The following SETD1A variants were observed in gnomAD, a reference collection of about 807,000 sequenced individuals.
SETD1A encodes SET domain containing 1A, histone lysine methyltransferase, also known as histone-lysine N-methyltransferase SETD1A.
Under a neutral mutation model 149.9 loss-of-function variants are expected in SETD1A, and 29 were observed. The ratio of observed to expected loss-of-function variants is 0.19; its 90% CI spans 0.14 to 0.26. SETD1A has a LOEUF of 0.26. Among genes scored for constraint, SETD1A ranks in the 10% least tolerant of loss-of-function variants. SETD1A has a pLI of 1.00. For synonymous variants in SETD1A, 1,141 were observed against 968.5 expected (o/e 1.18, Z -3.31); for missense variants, 2,109 against 2,353.1 (o/e 0.90, Z 2.15).
intron 1 of SETD1A, 200 bp downstream of exon 1, chr16:30,958,164 T>TG (rs201675920): frequency 0.23 from 33,118 of 143,152 alleles, 4,196 homozygotes; most frequent in South Asian, 0.6. Flanking sequence ...GGAGACCTGC[T>TG]GGGGGGGGTG....
At position 30,980,376 on chromosome 16, in the gene SETD1A, C is replaced by T. The variant is rs1380317340; in HGVS notation, c.4409-109C>T. 7.5e-6 allele frequency: 11 copies of T among 1,461,104 alleles called. No individual in the cohort carries two copies. The East Asian group carries it at 9.1e-5, about 12-fold the overall frequency. The allele number at this position is 1,461,104 out of a possible 1,614,324, so 90.5% of individuals were successfully genotyped here. ...GCAGGAACGATGGGGCTGGGGCTTC[C>T]TCCCCTGTCCCTCACCTGGGTATGC... On this transcript the variant is annotated intron_variant, in intron 14 of 18. Transcript: ENST00000262519. This position sits in a 1 kb window ranked among gnomAD's most constrained non-coding sequence, Gnocchi z 7.7.
At chr16:30,958,691 C>T in intron 1 of SETD1A, 26 bp from the exon 2 acceptor site, 1 of 1,607,934 alleles carries the variant, frequency 6.2e-7, no homozygotes, top group Non-Finnish European at 8.5e-7. Context: ...CCTGATCCTT[C>T]TTGCGTGTCC....
At chr16:30,967,284 GCTGGGGTT>G (rs1347798802) in intron 9 of SETD1A, among the ~76,000 whole-genome samples, 2 of 152,162 alleles carry the variant, frequency 1.3e-5, no homozygotes, top group Non-Finnish European at 2.9e-5. Flanking sequence ...CTCCCGAGTA[GCTGGGGTT>G]ACAGGCACCC....
At chr16:30,965,555 C>A in intron 7 of SETD1A, 46 bp from the exon 8 acceptor site, 1 of 1,599,364 alleles carries the variant, frequency 6.3e-7, no homozygotes, top group Non-Finnish European at 8.5e-7. Flanking sequence ...GAAAGTAGGG[C>A]TTGGGTCAGG....
intron 10 of SETD1A, 39 bp from the exon 11 acceptor site, chr16:30,969,266 T>A: frequency 1.3e-6 from 2 of 1,594,832 alleles, no homozygotes; most frequent in South Asian, 2.2e-5. Flanking sequence ...ATCTTGTGGT[T>A]GATGGTAAAT....
At chr16:30,960,969 C>G (rs920659136) in intron 3 of SETD1A, among the ~76,000 whole-genome samples, 15 of 151,902 alleles carry the variant, frequency 9.9e-5, no homozygotes, top group Non-Finnish European at 1.3e-4. Context: ...TCTTGAACTC[C>G]TGACTTCTGG....
At chr16:30,978,974 CA>C (rs1172899755) in intron 13 of SETD1A, among the ~76,000 whole-genome samples, 170 bp from the exon 14 acceptor site, 3 of 152,214 alleles carry the variant, frequency 2.0e-5, no homozygotes, top group African/African-American at 7.2e-5. Context: ...CCCCTCTCAT[CA>C]AGGGAGTTCA....
At chr16:30,959,338 G>C (rs948122974) in intron 3 of SETD1A, 152 bp downstream of exon 3, 1 of 658,630 alleles carries the variant, frequency 1.5e-6, no homozygotes, top group African/African-American at 1.8e-5. Flanking sequence ...TTTTGGATAG[G>C]AGGTACACTT....
At chr16:30,982,968 G>T (rs1193524932) in intron 17 of SETD1A, among the ~76,000 whole-genome samples, 1 of 152,182 alleles carries the variant, frequency 6.6e-6, no homozygotes, top group Non-Finnish European at 1.5e-5. Flanking sequence ...GGACATGTGG[G>T]GTTGCAATGC....
intron 17 of SETD1A, among the ~76,000 whole-genome samples, chr16:30,982,864 G>T (rs2056398819): frequency 6.6e-6 from 1 of 152,170 alleles, no homozygotes; most frequent in African/African-American, 2.4e-5. Flanking sequence ...CCCTCTCTCG[G>T]TGCTGCTCTT....
chr16:30,973,274 G>C (rs1165635441), intron 13 of SETD1A, among the ~76,000 whole-genome samples: 1 of 152,178 alleles, frequency 6.6e-6, no homozygotes, highest in African/African-American at 2.4e-5. Flanking sequence ...AGAAAGCTTG[G>C]AAAGGGGCCA....
rs377390835 is a variant in SETD1A at position 30,961,231 on chromosome 16, G to A, written c.247-36G>A. 2.5e-5 allele frequency: 40 copies of A among 1,610,296 alleles called. No homozygotes were observed. In the African/African-American group the frequency reaches 4.9e-4, roughly 20 times the overall value. ...GAAGGACAAAGGAACAGTGGTCAGT[G>A]TTGAGACCCCATACCAACTCCTGTT... is the stretch of plus-strand genomic sequence containing the variant. On this transcript the variant is annotated intron_variant, in intron 3 of 18. Transcript: ENST00000262519. This position sits in a 1 kb window ranked among gnomAD's most constrained non-coding sequence, Gnocchi z 4.0.
rs147752310 is a variant in SETD1A, at chr16:30,966,988, G to A, written c.2610G>A (p.Gly870=). Reference sequence around the variant, plus strand: ...CCCTCGTGGACTGGGCCAAGAGCGGGGGCACTACGGGCATCGAGGCTTTCG... The same window carrying A: ...CCCTCGTGGACTGGGCCAAGAGCGGAGGCACTACGGGCATCGAGGCTTTCG... ...LLSLVDWAKS[G]GTTGIEAFAF... is the part of the protein sequence containing the mutation. The change falls in exon 9 of 19, where the codon GGG becomes GGA. Residue 870 remains glycine, a synonymous_variant. Transcript: ENST00000262519. 3 of 1,595,776 alleles carry A rather than the reference G, an allele frequency of 1.9e-6. No homozygotes were observed. Among genetic ancestry groups the A allele is most frequent in the African/African-American group, 1.3e-5 (1 of 74,910 alleles).
Position 30,959,103 on chromosome 16 carries a change from A to G in SETD1A, c.163A>G (p.Ile55Val), listed in dbSNP as rs749107885. 8.7e-6 allele frequency: 14 copies of G among 1,612,178 alleles called. No individual in the cohort carries two copies. The African/African-American group carries it at 1.1e-4, about 12-fold the overall frequency. ...VHFSVNDSKY[I>V]PVEDLQDPRC... Reference sequence around the variant, plus strand: ...CTTTCCTTCCTAGGACTCAAAGTATATACCAGTCGAAGACCTCCAAGACCC... The same window carrying G: ...CTTTCCTTCCTAGGACTCAAAGTATGTACCAGTCGAAGACCTCCAAGACCC... The change falls in exon 3 of 19, where the codon ATA (isoleucine) becomes GTA (valine). Residue 55 changes from isoleucine (I) to valine (V), a missense_variant. Physicochemically the swap from Ile to Val is conservative, Grantham distance 29. This residue lies in a region of SETD1A where 75 missense variants were observed against 95.3 expected (regional missense o/e 0.79). Coordinates refer to ENST00000262519, the MANE Select transcript of SETD1A (RefSeq NM_014712.3).
chr16:30,974,660 G>T (rs117342239), intron 13 of SETD1A, among the ~76,000 whole-genome samples: 1 of 152,132 alleles, frequency 6.6e-6, no homozygotes, highest in African/African-American at 2.4e-5. Flanking sequence ...GGGTGTTAAG[G>T]AATGAGGGGA....
Position 30,964,765 on chromosome 16 carries a change from C to T in SETD1A, c.1023C>T (p.Ser341=), listed in dbSNP as rs374729022. Residue 341 remains serine, a synonymous_variant, in exon 7 of 19, where the codon TCC becomes TCT. Coordinates refer to ENST00000262519, the MANE Select transcript of SETD1A (RefSeq NM_014712.3). The part of the protein sequence containing the change: ...TAATASSSAS[S]SSLSSSSSSS... ...CCACTGCCTCATCCTCCGCCTCTTC[C>T]TCCTCATTGTCCTCGTCCTCCTCGT... 5.8e-5 allele frequency: 94 copies of T among 1,614,084 alleles called. No individual in the cohort carries two copies. Among genetic ancestry groups the T allele is most frequent in the Middle Eastern group, 4.9e-4 (3 of 6,082 alleles).
rs2056166574 is a variant in SETD1A, at chr16:30,967,637, A to G, written c.2770+49A>G. The G allele has an allele frequency of 6.6e-7, 1 of 1,522,598 alleles. No homozygotes were observed. Among genetic ancestry groups the G allele is most frequent in the Non-Finnish European group, 9.1e-7 (1 of 1,098,032 alleles). 94.3% of individuals were successfully genotyped at this position (1,522,598 alleles called of 1,614,324 possible). A position where few individuals can be genotyped will look rare whatever the true frequency, so the allele number is the denominator to read the frequency against. ...GAAGGGGTGTGCTGCGTGGGTTCTG[A>G]TGGGAGAGCAAGAGGTAGGGATGAA... On this transcript the variant is annotated intron_variant, in intron 10 of 18. Coordinates refer to ENST00000262519, the MANE Select transcript of SETD1A (RefSeq NM_014712.3).
chr16:30,966,729 T>G (rs2056152489), intron 8 of SETD1A, 155 bp from the exon 9 acceptor site: 3 of 467,804 alleles, frequency 6.4e-6, no homozygotes, highest in Admixed American at 6.4e-5. Context: ...GACAGACTTT[T>G]GAGAAAATGC....
At chr16:30,975,477 C>T (rs1251450279) in intron 13 of SETD1A, among the ~76,000 whole-genome samples, 6 of 147,096 alleles carry the variant, frequency 4.1e-5, no homozygotes, top group African/African-American at 1.3e-4. Context: ...GTTACCCAGC[C>T]GGGAGTGCAG....
Sources: gnomAD v4.1 joint callset for allele counts (sites outside exome capture counted in the v4.1 genomes callset) on GRCh38, gnomAD v4.1.1 for gene constraint, gnomAD v4.1.1 regional missense constraint, Gnocchi (gnomAD v3.1) non-coding constraint, MANE v1.5 for transcripts, NCBI Gene and HGNC (gene_info 2026-07-23, HGNC 2026-07-21) for gene names.